The following EIF4G3 variants were observed in gnomAD, a reference collection of about 807,000 sequenced individuals.
EIF4G3 encodes the protein eIF-4-gamma 3.
Under a neutral mutation model 186.4 loss-of-function variants are expected in EIF4G3, and 34 were observed. The ratio of observed to expected loss-of-function variants is 0.18; its 90% confidence interval spans 0.14 to 0.24. EIF4G3 has a LOEUF of 0.24. EIF4G3 is among the 10% of genes least tolerant of loss of function. The pLI is 1.00. For missense variants in EIF4G3, 1,536 were observed against 1,948.5 expected, an observed-to-expected ratio of 0.79 and a Z score of 3.99; for synonymous variants, 673 against 679.5, an observed-to-expected ratio of 0.99 and a Z score of 0.15.
intron 15 of EIF4G3, among the ~76,000 whole-genome samples, 167 bp from the exon 16 acceptor site, chr1:20,900,110 T>C (rs1460013240): frequency 2.6e-5 from 4 of 152,328 alleles, no homozygotes; most frequent in African/African-American, 9.6e-5. Flanking sequence ...AAAAATACTT[T>C]TCTCATTTCA....
In EIF4G3 at chr1:20,981,222, GA is replaced by G; in HGVS notation, c.203del (p.Phe68SerfsTer38). The G allele has an allele frequency of 6.3e-7, 1 of 1,580,810 alleles. No homozygotes were observed. The highest frequency in any genetic ancestry group is 8.6e-7 in the Non-Finnish European group (1 of 1,165,254). ...HQGGFRPIQF[F>X]QRPQIQPPRA... ...TAGGAGGCTGTATTTGAGGCCTCTG[GA>G]AAAACTGGGAAGGGGAGAAAAAAAA... On this transcript the variant is annotated frameshift_variant, in exon 9 of 37. Transcript: ENST00000602326. LOFTEE classifies it high-confidence loss of function.
chr1:20,814,879 C>T (rs2060151683), intron 34 of EIF4G3, among the ~76,000 whole-genome samples: 1 of 121,144 alleles, frequency 8.3e-6, no homozygotes, highest in Admixed American at 8.6e-5. Flanking sequence ...CTGCAACCTC[C>T]CTGCCTGATT....
At chr1:20,918,938 T>C (rs1383244556) in intron 14 of EIF4G3, among the ~76,000 whole-genome samples, 3 of 152,094 alleles carry the variant, frequency 2.0e-5, no homozygotes, top group African/African-American at 4.8e-5. Flanking sequence ...GTGTGTTGGA[T>C]TTTCTCCATT....
intron 2 of EIF4G3, among the ~76,000 whole-genome samples, chr1:21,174,441 A>G (rs1345621664): frequency 6.6e-6 from 1 of 152,220 alleles, no homozygotes; most frequent in Non-Finnish European, 1.5e-5. Context: ...CATCAAGGAC[A>G]CCTACTACAG....
intron 3 of EIF4G3, among the ~76,000 whole-genome samples, chr1:21,067,547 G>T (rs537779165): frequency 6.6e-6 from 1 of 152,148 alleles, no homozygotes; most frequent in African/African-American, 2.4e-5. Flanking sequence ...TCAGCAAGCA[G>T]ATACCATGAT....
intron 13 of EIF4G3, 67 bp from the exon 14 acceptor site, chr1:20,942,397 A>G (rs2095753467): frequency 6.9e-7 from 1 of 1,452,578 alleles, no homozygotes; most frequent in Non-Finnish European, 9.2e-7. Context: ...CCTTGGGCCA[A>G]TTCTTTCAAT....
chr1:21,013,710 A>G (rs2087913795), intron 4 of EIF4G3, among the ~76,000 whole-genome samples: 1 of 152,216 alleles, frequency 6.6e-6, no homozygotes, highest in South Asian at 2.1e-4. Flanking sequence ...GAATCTGGGG[A>G]AAAGTGTTCA....
intron 2 of EIF4G3, among the ~76,000 whole-genome samples, chr1:21,168,865 A>T (rs2097906310): frequency 6.6e-6 from 1 of 152,182 alleles, no homozygotes; most frequent in Non-Finnish European, 1.5e-5. Context: ...TCAGGACAGA[A>T]ATACACCAAA....
chr1:20,942,004 T>C lies in EIF4G3; in HGVS notation c.1150A>G (p.Thr384Ala), dbSNP rs1409967282. The C allele has an allele frequency of 6.2e-6, 10 of 1,614,146 alleles. No homozygotes were observed. The highest frequency in any genetic ancestry group is 1.6e-4 in the Middle Eastern group (1 of 6,062). ...CATATATCATCATCATTTTCATTTG[T>C]TGGTAAAGGGTCTGATGTTTCTGTG... is the stretch of plus-strand genomic sequence containing the variant. ...SCTETSDPLPTNENDDDICKK... is the reference protein window; with the variant it reads ...SCTETSDPLPANENDDDICKK... The change falls in exon 14 of 37, where the codon ACA (threonine) becomes GCA (alanine). Residue 384 changes from threonine to alanine, a missense_variant. Transcript: ENST00000602326.
At chr1:21,107,080 A>G (rs1470403809) in intron 2 of EIF4G3, among the ~76,000 whole-genome samples, 1 of 152,222 alleles carries the variant, frequency 6.6e-6, no homozygotes, top group Admixed American at 6.5e-5. Context: ...TGGAACAGAA[A>G]TAATATATTC....
chr1:20,854,460 A>C (rs1463272), intron 26 of EIF4G3, among the ~76,000 whole-genome samples: 2 of 151,610 alleles, frequency 1.3e-5, no homozygotes, highest in African/African-American at 4.9e-5. Context: ...GCAGGAGGCC[A>C]AGGTGGGAGG....
intron 20 of EIF4G3, among the ~76,000 whole-genome samples, chr1:20,871,212 G>A (rs1558012323): frequency 6.6e-6 from 1 of 152,164 alleles, no homozygotes; most frequent in Non-Finnish European, 1.5e-5. Context: ...AGAGAAAAAT[G>A]GCTTAACAAC....
At chr1:21,036,076 G>A (rs905373971) in intron 4 of EIF4G3, among the ~76,000 whole-genome samples, 1 of 151,668 alleles carries the variant, frequency 6.6e-6, no homozygotes, top group African/African-American at 2.4e-5. Context: ...ACCTGCTCCA[G>A]GGCCTCCTCT....
intron 20 of EIF4G3, among the ~76,000 whole-genome samples, chr1:20,874,064 C>T (rs1348623663): frequency 6.6e-6 from 1 of 152,076 alleles, no homozygotes; most frequent in East Asian, 1.9e-4. Context: ...TGTATATGTA[C>T]CACATTTTCT....
intron 3 of EIF4G3, among the ~76,000 whole-genome samples, chr1:21,052,890 G>A (rs2094321149): frequency 1.3e-5 from 2 of 152,346 alleles, no homozygotes; most frequent in African/African-American, 2.4e-5. Flanking sequence ...GTGCTCAATG[G>A]TGCCCAGGCT....
chr1:20,993,232 A>G (rs1018524618), intron 7 of EIF4G3, among the ~76,000 whole-genome samples: 6 of 152,182 alleles, frequency 3.9e-5, no homozygotes, highest in Non-Finnish European at 8.8e-5. Flanking sequence ...GGGACTCAAA[A>G]AGAGCTCTAG....
At chr1:21,081,568 G>A (rs935495476) in intron 3 of EIF4G3, among the ~76,000 whole-genome samples, 1 of 151,314 alleles carries the variant, frequency 6.6e-6, no homozygotes, top group African/African-American at 2.4e-5. Context: ...CAAAAACCAG[G>A]TTAAAATAAA....
At chr1:21,148,116 G>T (rs1217303351) in intron 2 of EIF4G3, among the ~76,000 whole-genome samples, 1 of 152,142 alleles carries the variant, frequency 6.6e-6, no homozygotes, top group African/African-American at 2.4e-5. Context: ...ACCCAAGCTG[G>T]AATGTGCAAT....
Position 20,810,609 on chromosome 1 carries a change from A to T in EIF4G3, c.4744+129T>A. 9.0e-7 allele frequency: 1 copy of T among 1,112,638 alleles called. No homozygotes were observed. The highest frequency in any genetic ancestry group is 1.3e-6 in the Non-Finnish European group (1 of 779,044). The allele number at this position is 1,112,638 out of a possible 1,614,324, so 68.9% of individuals were successfully genotyped here. On this transcript the variant is annotated intron_variant, in intron 36 of 36. Transcript: ENST00000602326. The surrounding 1 kb of genome is among the most constrained non-coding windows in gnomAD (Gnocchi z 4.1). ...GGCCAAATTCAAATTTATTAAAGTT[A>T]GTTATATGAGTTTGTGTTATTAGTG...
Sources: allele counts gnomAD v4.1 joint callset (sites outside exome capture counted in the v4.1 genomes callset), GRCh38; gene constraint gnomAD v4.1.1; non-coding constraint Gnocchi (gnomAD v3.1); transcripts MANE v1.5; gene names NCBI Gene and HGNC (gene_info 2026-07-23, HGNC 2026-07-21).